The following STAB2 variants were observed in gnomAD, a reference collection of about 807,000 sequenced individuals.
The protein encoded by STAB2 is stabilin 2, also known as stabilin-2.
A neutral mutation model predicts 338.1 loss-of-function variants in STAB2; 288 were observed. The ratio of observed to expected loss-of-function variants is 0.85; its 90% CI spans 0.77 to 0.94. The LOEUF (loss-of-function observed/expected upper bound fraction) is 0.94. Among genes scored for constraint, STAB2 ranks in the 40% least tolerant of loss-of-function variants. The probability of loss-of-function intolerance (pLI) is 0.00; values close to 1 mark genes in which losing one functional copy is unlikely to be tolerated. For missense variants in STAB2, 3,141 were observed against 3,210.1 expected, an observed-to-expected ratio of 0.98 and a Z score of 0.52; for synonymous variants, 1,202 against 1,193.3, an observed-to-expected ratio of 1.01 and a Z score of -0.15.
At chr12:103,661,102 CAGG>C (rs1327615500) in intron 17 of STAB2, among the ~76,000 whole-genome samples, 3 of 151,222 alleles carry the variant, frequency 2.0e-5, no homozygotes, top group African/African-American at 4.9e-5. Flanking sequence ...GAGCACAGAA[CAGG>C]AGGAGTCTGA....
rs748663805 is a variant in STAB2, at chr12:103,673,947, C to T, written c.2412C>T (p.Asp804=). ...ACGGAACATGCAATAACAGGATAGA[C>T]AGCGATGGGGCCTGCCTCACTGGCA... is the stretch of plus-strand genomic sequence containing the variant. ...CVHGTCNNRI[D]SDGACLTGTC... Residue 804 remains aspartate, a synonymous_variant, in exon 23 of 69, where the codon GAC becomes GAT. Coordinates refer to ENST00000388887, the MANE Select transcript of STAB2 (RefSeq NM_017564.10). 3.2e-5 allele frequency: 52 copies of T among 1,613,896 alleles called. No individual in the cohort carries two copies. In the Admixed American group the frequency reaches 8.0e-4, roughly 25 times the overall value.
intron 52 of STAB2, 107 bp from the exon 53 acceptor site, chr12:103,737,527 A>G: frequency 7.9e-7 from 1 of 1,262,190 alleles, no homozygotes; most frequent in South Asian, 1.6e-5. Context: ...GTTACTGGCC[A>G]TGTTACATGG....
intron 9 of STAB2, among the ~76,000 whole-genome samples, chr12:103,642,027 G>A (rs1872961837): frequency 6.6e-6 from 1 of 152,192 alleles, no homozygotes; most frequent in Non-Finnish European, 1.5e-5. Context: ...CCACCTGATC[G>A]AGAAGGGTGG....
In STAB2 at chr12:103,699,145, A is replaced by G. The variant is rs1207877687; in HGVS notation, c.3632A>G (p.Lys1211Arg). The G allele has an allele frequency of 6.2e-7, 1 of 1,613,556 alleles. No homozygotes were observed. Among genetic ancestry groups the G allele is most frequent in the Non-Finnish European group, 8.5e-7 (1 of 1,179,598 alleles). Residue 1211 changes from lysine to arginine, a missense_variant, in exon 34 of 69, where the codon AAG becomes AGG. Coordinates refer to ENST00000388887, the MANE Select transcript of STAB2 (RefSeq NM_017564.10). ...YHVVLEEKLL[K>R]NDLHNGMHRE... Reference sequence around the variant, plus strand: ...GTGGTCCTGGAGGAGAAACTCCTGAAGAATGACCTGCACAATGGCATGCAT... The same window carrying G: ...GTGGTCCTGGAGGAGAAACTCCTGAGGAATGACCTGCACAATGGCATGCAT...
intron 3 of STAB2, among the ~76,000 whole-genome samples, chr12:103,615,907 G>T (rs703608): frequency 9.2e-5 from 14 of 152,264 alleles, no homozygotes; most frequent in African/African-American, 2.2e-4. Flanking sequence ...TACCTCCACA[G>T]GGTCTAGCCC....
At chr12:103,745,008 G>A (rs953050245) in intron 56 of STAB2, among the ~76,000 whole-genome samples, 165 bp from the exon 57 acceptor site, 6 of 152,198 alleles carry the variant, frequency 3.9e-5, no homozygotes, top group African/African-American at 1.4e-4. Context: ...GCCTGTGATA[G>A]TCCCTGAATA....
chr12:103,664,324 T>G (rs534810696), intron 18 of STAB2, among the ~76,000 whole-genome samples: 1 of 152,280 alleles, frequency 6.6e-6, no homozygotes, highest in South Asian at 2.1e-4. Context: ...TTTTGTATTT[T>G]TAGTAGAGAC....
At chr12:103,765,086 CAAAAAAA>C (rs56002429) in intron 68 of STAB2, among the ~76,000 whole-genome samples, 35 of 66,510 alleles carry the variant, frequency 5.3e-4, no homozygotes, top group East Asian at 1.5e-3. Flanking sequence ...GACTCTGTCT[CAAAAAAA>C]AAAAAAAAAA....
intron 34 of STAB2, among the ~76,000 whole-genome samples, chr12:103,702,006 ACACACACACACACACACC>A (rs1007998782): frequency 2.9e-5 from 4 of 136,072 alleles, no homozygotes; most frequent in African/African-American, 1.1e-4. Context: ...ACACACACAC[ACACACACACACACACACC>A]CCACCCCAAT....
At chr12:103,739,590 G>A in intron 54 of STAB2, 122 bp downstream of exon 54, 9 of 708,152 alleles carry the variant, frequency 1.3e-5, no homozygotes, top group African/African-American at 1.9e-5. Context: ...CACGTATGTT[G>A]CATAAATGTA....
intron 48 of STAB2, 140 bp downstream of exon 48, chr12:103,729,135 G>GA: frequency 1.3e-6 from 1 of 761,888 alleles, no homozygotes; most frequent in Non-Finnish European, 2.1e-6. Context: ...ACTTACAAGT[G>GA]GGAGCTAAAT....
intron 26 of STAB2, among the ~76,000 whole-genome samples, chr12:103,684,324 GGTT>G (rs1877199055): frequency 6.6e-6 from 1 of 152,158 alleles, no homozygotes; most frequent in Non-Finnish European, 1.5e-5. Context: ...CAAGAAGTGG[GGTT>G]GTTATGAACA....
At chr12:103,659,169 G>A (rs1481212282) in intron 15 of STAB2, among the ~76,000 whole-genome samples, 1 of 152,150 alleles carries the variant, frequency 6.6e-6, no homozygotes, top group African/African-American at 2.4e-5. Flanking sequence ...AATGCTATTG[G>A]CTAATAGATA....
rs1875407521 is a variant in STAB2 at position 103,668,693 on chromosome 12, G to A, written c.2136G>A (p.Lys712=). ...CVYSGRFGSL[K]SGCARYCNAT... ...ACAGTGGCAGGTTTGGGAGCCTGAA[G>A]AGCGGCTGTGCCCGGTACTGCAATG... Residue 712 remains lysine, a synonymous_variant, in exon 20 of 69, where the codon AAG becomes AAA. Coordinates refer to ENST00000388887, the MANE Select transcript of STAB2 (RefSeq NM_017564.10). 1.9e-6 allele frequency: 3 copies of A among 1,550,674 alleles called. No individual in the cohort carries two copies. The highest frequency in any genetic ancestry group is 1.4e-5 in the African/African-American group (1 of 73,174).
intron 27 of STAB2, among the ~76,000 whole-genome samples, chr12:103,687,379 C>A (rs1403695970): frequency 6.6e-6 from 1 of 151,854 alleles, no homozygotes; most frequent in Non-Finnish European, 1.5e-5. Context: ...GCTCTGCCAG[C>A]AATATTGGTT....
intron 33 of STAB2, among the ~76,000 whole-genome samples, chr12:103,698,358 G>A (rs956923592): frequency 3.3e-5 from 5 of 152,098 alleles, no homozygotes; most frequent in African/African-American, 1.2e-4. Flanking sequence ...GGTTTCACTA[G>A]GTTTGAAGTA....
At chr12:103,603,291 C>T (rs1956981216) in intron 3 of STAB2, among the ~76,000 whole-genome samples, 1 of 152,134 alleles carries the variant, frequency 6.6e-6, no homozygotes, top group Admixed American at 6.5e-5. Flanking sequence ...AGGATGGTCT[C>T]GATCTCCTGA....
At chr12:103,608,348 T>C (rs1462376390) in intron 3 of STAB2, among the ~76,000 whole-genome samples, 1 of 152,172 alleles carries the variant, frequency 6.6e-6, no homozygotes, top group Admixed American at 6.5e-5. Flanking sequence ...TTCACCGTGT[T>C]AGCCAGGATG....
At chr12:103,713,307 C>T (rs1483716106) in intron 41 of STAB2, among the ~76,000 whole-genome samples, 1 of 152,094 alleles carries the variant, frequency 6.6e-6, no homozygotes, top group Non-Finnish European at 1.5e-5. Flanking sequence ...TCCTGGCAGG[C>T]TTTGGTCCAG....
Sources: gnomAD v4.1 joint callset for allele counts (sites outside exome capture counted in the v4.1 genomes callset) on GRCh38, gnomAD v4.1.1 for gene constraint, MANE v1.5 for transcripts, NCBI Gene and HGNC (gene_info 2026-07-23, HGNC 2026-07-21) for gene names.